The following TYW1B variants were observed in gnomAD, a reference collection of about 807,000 sequenced individuals.
TYW1B encodes the protein S-adenosyl-L-methionine-dependent tRNA 4-demethylwyosine synthase TYW1B.
A neutral mutation model predicts 86.9 loss-of-function variants in TYW1B; 73 were observed. The observed-to-expected ratio is 0.84, with a 90% CI of 0.70 to 1.02. The LOEUF is 1.02. Among genes scored for constraint, TYW1B ranks in the 50% least tolerant of loss-of-function variants. The pLI is 0.00. For synonymous variants in TYW1B, 248 were observed against 292.8 expected, an observed-to-expected ratio of 0.85 and a Z score of 1.56; for missense variants, 637 against 827.4, an observed-to-expected ratio of 0.77 and a Z score of 2.82.
chr7:72,736,761 TATA>T (rs1438627939), intron 8 of TYW1B, among the ~76,000 whole-genome samples: 3 of 152,224 alleles, frequency 2.0e-5, no homozygotes, highest in African/African-American at 7.2e-5. Flanking sequence ...TTTCACTTAG[TATA>T]ATATTTTCAA....
intron 10 of TYW1B, among the ~76,000 whole-genome samples, chr7:72,703,808 T>G (rs1246229167): frequency 6.7e-6 from 1 of 149,362 alleles, no homozygotes; most frequent in Non-Finnish European, 1.5e-5. Context: ...TGAGCCAAGA[T>G]CTCACCACTG....
intron 6 of TYW1B, among the ~76,000 whole-genome samples, chr7:72,799,383 G>A (rs1406609218): frequency 2.0e-5 from 3 of 151,500 alleles, no homozygotes; most frequent in East Asian, 3.9e-4. Context: ...GGCTGGTCTC[G>A]AGCTCCTGAC....
chr7:72,679,203 C>T (rs1306443014), intron 11 of TYW1B, among the ~76,000 whole-genome samples: 1 of 152,192 alleles, frequency 6.6e-6, no homozygotes, highest in South Asian at 2.1e-4. Flanking sequence ...TCATGTAGGA[C>T]AGGCTACGGC....
chr7:72,651,330 T>C (rs1279469018), intron 11 of TYW1B, among the ~76,000 whole-genome samples: 2 of 152,036 alleles, frequency 1.3e-5, no homozygotes, highest in African/African-American at 4.8e-5. Context: ...AAAAAAGAAA[T>C]AGAGAGGCCG....
intron 9 of TYW1B, among the ~76,000 whole-genome samples, chr7:72,722,464 G>A (rs1393683456): frequency 2.0e-5 from 3 of 152,160 alleles, no homozygotes; most frequent in East Asian, 3.8e-4. Flanking sequence ...TACTTAGAAG[G>A]GGGCAGGCAG....
chr7:72,828,165 C>T lies in TYW1B; in HGVS notation c.-90G>A. 4 of 1,589,500 alleles carry T rather than the reference C, an allele frequency of 2.5e-6. No individual in the cohort carries two copies. Among genetic ancestry groups the T allele is most frequent in the Non-Finnish European group, 3.4e-6 (4 of 1,167,634 alleles). On this transcript the variant is annotated 5_prime_UTR_variant, in exon 1 of 14. Transcript: ENST00000620995. Reference sequence around the variant, plus strand: ...CTGCGAGACGCACCGAGCTACCTCGCGGCGTTAGCGCCGTACCGAGTGGCT... The same window carrying T: ...CTGCGAGACGCACCGAGCTACCTCGTGGCGTTAGCGCCGTACCGAGTGGCT...
chr7:72,752,741 A>AAACAAAC (rs1288966344), intron 7 of TYW1B, among the ~76,000 whole-genome samples: 1 of 151,872 alleles, frequency 6.6e-6, no homozygotes, highest in Non-Finnish European at 1.5e-5. Flanking sequence ...AAAAACAAAC[A>AAACAAAC]AACAAACAAA....
chr7:72,713,025 G>A (rs549592434), intron 10 of TYW1B, among the ~76,000 whole-genome samples: 2 of 152,034 alleles, frequency 1.3e-5, no homozygotes, highest in South Asian at 2.1e-4. Context: ...TAGACCAGGC[G>A]CAGTGGCTCA....
At chr7:72,629,265 T>G (rs1554439485) in intron 11 of TYW1B, among the ~76,000 whole-genome samples, 1 of 152,248 alleles carries the variant, frequency 6.6e-6, no homozygotes, top group African/African-American at 2.4e-5. Flanking sequence ...ACCCAGAGGT[T>G]TCTTGACACA....
At chr7:72,739,954 G>A (rs1461454131) in intron 8 of TYW1B, among the ~76,000 whole-genome samples, 5 of 147,716 alleles carry the variant, frequency 3.4e-5, no homozygotes, top group African/African-American at 5.0e-5. Flanking sequence ...GTTCCAGGCC[G>A]GGTATGGTGG....
chr7:72,601,654 A>G (rs1174251196), intron 13 of TYW1B, among the ~76,000 whole-genome samples: 2 of 151,716 alleles, frequency 1.3e-5, no homozygotes, highest in East Asian at 3.9e-4. Context: ...ACTGTGGTAC[A>G]TCCACACAAT....
At chr7:72,607,903 G>A (rs1260026973) in intron 13 of TYW1B, among the ~76,000 whole-genome samples, 1 of 152,172 alleles carries the variant, frequency 6.6e-6, no homozygotes, top group African/African-American at 2.4e-5. Flanking sequence ...AAGGCAACCT[G>A]TAATCAAACT....
intron 7 of TYW1B, among the ~76,000 whole-genome samples, chr7:72,756,201 T>TTTTTATTTTATTTTATTTTATTTTA (rs66806955): frequency 8.0e-4 from 111 of 138,866 alleles, no homozygotes; most frequent in Admixed American, 9.4e-4. Context: ...GTTTATTATT[T>TTTTTATTTTATTTTATTTTATTTTA]TTTTATTTTA....
At chr7:72,818,389 C>G (rs1224308644) in intron 2 of TYW1B, among the ~76,000 whole-genome samples, 11 of 151,590 alleles carry the variant, frequency 7.3e-5, no homozygotes, top group Non-Finnish European at 1.3e-4. Context: ...CGAGACCAGC[C>G]TGGGCATGGT....
At chr7:72,774,448 C>A (rs1787919277) in intron 7 of TYW1B, among the ~76,000 whole-genome samples, 2 of 150,524 alleles carry the variant, frequency 1.3e-5, no homozygotes, top group South Asian at 4.2e-4. Context: ...CCAGGCCAGG[C>A]ACCGTGGCTC....
At chr7:72,800,851 G>T (rs1197703720) in intron 6 of TYW1B, among the ~76,000 whole-genome samples, 4 of 151,812 alleles carry the variant, frequency 2.6e-5, no homozygotes, top group African/African-American at 9.7e-5. Flanking sequence ...GGAGGCTAGA[G>T]GACCTACTAG....
intron 11 of TYW1B, among the ~76,000 whole-genome samples, chr7:72,648,115 C>G (rs1334134944): frequency 1.3e-5 from 2 of 152,052 alleles, no homozygotes; most frequent in Non-Finnish European, 2.9e-5. Context: ...AGAAATACAA[C>G]AAAAGTTTTG....
At chr7:72,714,247 G>A (rs1336631453) in intron 9 of TYW1B, among the ~76,000 whole-genome samples, 4 of 151,882 alleles carry the variant, frequency 2.6e-5, no homozygotes, top group East Asian at 1.9e-4. Flanking sequence ...AGACCTAATC[G>A]TTCTTATCTT....
At chr7:72,593,815 C>T (rs1811460462) in intron 13 of TYW1B, among the ~76,000 whole-genome samples, 1 of 95,940 alleles carries the variant, frequency 1.0e-5, no homozygotes, top group African/African-American at 4.8e-5. Flanking sequence ...GAGCCAGACT[C>T]CATCTAAAAA....
Sources: gnomAD v4.1 joint callset for allele counts (sites outside exome capture counted in the v4.1 genomes callset) on GRCh38, gnomAD v4.1.1 for gene constraint, MANE v1.5 for transcripts, NCBI Gene and HGNC (gene_info 2026-07-23, HGNC 2026-07-21) for gene names.